The following ROR1 variants were observed in gnomAD, a reference collection of about 807,000 sequenced individuals.
The protein encoded by ROR1 is ROR family WNT receptor 1.
Under a neutral mutation model 78.8 loss-of-function variants are expected in ROR1, and 19 were observed. That is an observed-to-expected ratio of 0.24 (90% CI 0.17 to 0.35). The LOEUF (loss-of-function observed/expected upper bound fraction) is 0.35. Among genes scored for constraint, ROR1 ranks in the 10% least tolerant of loss-of-function variants. The pLI is 1.00. For missense variants in ROR1, 917 were observed against 1,177.8 expected, an observed-to-expected ratio of 0.78 and a Z score of 3.24; for synonymous variants, 386 against 433.6, an observed-to-expected ratio of 0.89 and a Z score of 1.36.
intron 1 of ROR1, among the ~76,000 whole-genome samples, chr1:63,862,474 C>T (rs917765197): frequency 1.3e-5 from 2 of 151,312 alleles, no homozygotes; most frequent in Non-Finnish European, 2.9e-5. Context: ...TTCACCTTCT[C>T]TGTCTGATCT....
chr1:63,887,795 C>T (rs1645367156), intron 1 of ROR1, among the ~76,000 whole-genome samples: 1 of 152,276 alleles, frequency 6.6e-6, no homozygotes, highest in East Asian at 1.9e-4. Flanking sequence ...GACCTGATCT[C>T]TAAAACAATT....
intron 1 of ROR1, among the ~76,000 whole-genome samples, chr1:63,827,300 T>C (rs1013148772): frequency 7.9e-5 from 12 of 152,196 alleles, no homozygotes; most frequent in African/African-American, 2.9e-4. Context: ...TTAGACCCCA[T>C]TTGTCAATTT....
intron 1 of ROR1, among the ~76,000 whole-genome samples, chr1:64,001,589 G>A (rs1237548645): frequency 7.0e-6 from 1 of 142,710 alleles, no homozygotes; most frequent in African/African-American, 3.1e-5. Context: ...TCTTTACACA[G>A]CTTTTGATGT....
intron 1 of ROR1, among the ~76,000 whole-genome samples, chr1:63,962,672 C>T (rs1010286993): frequency 5.9e-5 from 9 of 152,142 alleles, no homozygotes; most frequent in Admixed American, 1.3e-4. Flanking sequence ...TGAGCAGAGC[C>T]GGGAGTGGAG....
intron 1 of ROR1, among the ~76,000 whole-genome samples, chr1:63,806,527 C>T (rs577535091): frequency 4.6e-5 from 7 of 152,266 alleles, no homozygotes; most frequent in South Asian, 2.1e-4. Flanking sequence ...CTGCGTTAGC[C>T]AGGATGGTCT....
intron 1 of ROR1, among the ~76,000 whole-genome samples, chr1:63,920,991 A>T (rs1272186949): frequency 6.6e-6 from 1 of 152,214 alleles, no homozygotes; most frequent in African/African-American, 2.4e-5. Context: ...TCTCCAGAAG[A>T]GGGAGCAGTA....
rs183002046 is a variant in ROR1, at chr1:63,927,675, A to G, written c.92-81630A>G. On this transcript the variant is annotated intron_variant, in intron 1 of 8. Transcript: ENST00000371079. The stretch of plus-strand genomic sequence containing the variant: ...CATGGAAATAAGGTGAATTGTTCAT[A>G]TTCACACCACTAGTAATTGGTGGGT... Among the ~76,000 whole-genome samples, 267 of 152,170 alleles carry G rather than the reference A, an allele frequency of 1.8e-3. 1 individual carries two copies. The highest frequency in any genetic ancestry group is 3.3e-3 in the Non-Finnish European group (223 of 68,018).
intron 1 of ROR1, among the ~76,000 whole-genome samples, chr1:63,898,815 A>G (rs1645462637): frequency 6.6e-6 from 1 of 152,020 alleles, no homozygotes; most frequent in South Asian, 2.1e-4. Context: ...AGGTCAGGGA[A>G]GGCTTCCCAG....
rs531483513 is a variant in ROR1 at position 63,928,056 on chromosome 1, G to A, written c.92-81249G>A. Among the ~76,000 whole-genome samples, 10 of 149,666 alleles carry A rather than the reference G, an allele frequency of 6.7e-5. No individual in the cohort carries two copies. The South Asian group carries it at 2.1e-3, about 32-fold the overall frequency. On this transcript the variant is annotated intron_variant, in intron 1 of 8. Coordinates refer to ENST00000371079, the MANE Select transcript of ROR1 (RefSeq NM_005012.4). ...GGCTGCTCTGAGTACCTGCATCCTTGTCCTCATGGAAGTCACCAAAACCGT... is the reference window on the plus strand; with the variant it reads ...GGCTGCTCTGAGTACCTGCATCCTTATCCTCATGGAAGTCACCAAAACCGT...
chr1:63,927,557 TA>T (rs11344076), intron 1 of ROR1, among the ~76,000 whole-genome samples: 118,022 of 145,598 alleles, frequency 0.81, 48,438 homozygotes, highest in East Asian at 0.93. Flanking sequence ...CTCTTTTTCT[TA>T]AAAAAAAAAA....
At chr1:63,955,453 T>G (rs1645973512) in intron 1 of ROR1, among the ~76,000 whole-genome samples, 1 of 152,198 alleles carries the variant, frequency 6.6e-6, no homozygotes, top group African/African-American at 2.4e-5. Context: ...CTTTGCCCTT[T>G]GGACTTATTT....
At chr1:64,057,477 G>T (rs1044302362) in intron 4 of ROR1, among the ~76,000 whole-genome samples, 1 of 152,170 alleles carries the variant, frequency 6.6e-6, no homozygotes, top group African/African-American at 2.4e-5. Flanking sequence ...ATATTACAAA[G>T]AATTTGCTAA....
chr1:63,815,473 C>CTTT (rs1557510128), intron 1 of ROR1, among the ~76,000 whole-genome samples: 146 of 96,028 alleles, frequency 1.5e-3, no homozygotes, highest in African/African-American at 0.01. Flanking sequence ...CTTTTCTTTT[C>CTTT]TTTTCTTTTT....
chr1:63,895,780 ATT>A (rs2100395368), intron 1 of ROR1, among the ~76,000 whole-genome samples: 1 of 152,242 alleles, frequency 6.6e-6, no homozygotes, highest in South Asian at 2.1e-4. Context: ...CTGTTGAAAA[ATT>A]TTACAATTTT....
chr1:63,942,755 C>A (rs1194287670), intron 1 of ROR1, among the ~76,000 whole-genome samples: 1 of 152,136 alleles, frequency 6.6e-6, no homozygotes, highest in Non-Finnish European at 1.5e-5. Context: ...CTACCTCCTA[C>A]TCTTCCCCAC....
intron 1 of ROR1, among the ~76,000 whole-genome samples, chr1:63,808,134 C>A (rs1392033634): frequency 1.3e-5 from 2 of 152,084 alleles, no homozygotes; most frequent in African/African-American, 4.8e-5. Context: ...GCACGTTTGC[C>A]AGCTTTCCTT....
At position 63,849,224 on chromosome 1, in the gene ROR1, G is replaced by A. The variant is rs551246076; in HGVS notation, c.91+74716G>A. Among the ~76,000 whole-genome samples the A allele has an allele frequency of 3.3e-5, 5 of 152,256 alleles. No individual in the cohort carries two copies. In the South Asian group the frequency reaches 1.0e-3, roughly 32 times the overall value. On this transcript the variant is annotated intron_variant, in intron 1 of 8. Transcript: ENST00000371079. ...GTGTTTTGAATTTCAAATTATTAAT[G>A]GTAATTGTTGTTTTCTGTTTTCATT... is the stretch of plus-strand genomic sequence containing the variant.
At chr1:64,005,620 CATGGAATTG>C (rs977842014) in intron 1 of ROR1, among the ~76,000 whole-genome samples, 2 of 152,116 alleles carry the variant, frequency 1.3e-5, no homozygotes, top group Non-Finnish European at 2.9e-5. Flanking sequence ...CACTGGTGGC[CATGGAATTG>C]ATGGAGTTCA....
intron 1 of ROR1, among the ~76,000 whole-genome samples, chr1:63,809,812 G>A (rs1378520050): frequency 9.2e-5 from 14 of 152,146 alleles, no homozygotes; most frequent in South Asian, 2.1e-4. Flanking sequence ...TCAAGAATAC[G>A]TTGGACATTT....
Sources: allele counts gnomAD v4.1 joint callset (sites outside exome capture counted in the v4.1 genomes callset), GRCh38; gene constraint gnomAD v4.1.1; transcripts MANE v1.5; gene names NCBI Gene and HGNC (gene_info 2026-07-23, HGNC 2026-07-21).